CACNB4: variants seen among roughly 807,000 people sequenced by gnomAD.
CACNB4 encodes calcium voltage-gated channel auxiliary subunit beta 4.
A neutral mutation model predicts 71.2 loss-of-function variants in CACNB4; 32 were observed. The observed-to-expected ratio is 0.45, with a 90% CI of 0.34 to 0.60. The LOEUF (loss-of-function observed/expected upper bound fraction) is 0.60, where lower values mean the gene tolerates loss of function less well. Among genes scored for constraint, CACNB4 ranks in the 20% least tolerant of loss-of-function variants. CACNB4 has a pLI of 0.01. For missense variants in CACNB4, 464 were observed against 647.9 expected (o/e 0.72, Z 3.08); for synonymous variants, 231 against 236.9 (o/e 0.97, Z 0.23).
At chr2:152,041,384 A>C (rs977880385) in intron 2 of CACNB4, among the ~76,000 whole-genome samples, 5 of 152,218 alleles carry the variant, frequency 3.3e-5, no homozygotes, top group Admixed American at 1.3e-4. Context: ...CATTTCTGGA[A>C]GAAGGTAAAG....
chr2:152,039,191 G>A (rs1322818259), intron 2 of CACNB4, among the ~76,000 whole-genome samples: 8 of 152,228 alleles, frequency 5.3e-5, no homozygotes, highest in South Asian at 2.1e-4. Context: ...GGCCGAGGCC[G>A]ATGGATCACG....
At chr2:152,072,903 C>T (rs1363080086) in intron 2 of CACNB4, among the ~76,000 whole-genome samples, 5 of 151,964 alleles carry the variant, frequency 3.3e-5, no homozygotes, top group Admixed American at 2.6e-4. Flanking sequence ...CCCGCCTCGG[C>T]CTCCCAAAGT....
intron 2 of CACNB4, chr2:151,883,577 T>C (rs553768728): frequency 5.3e-6 from 3 of 569,322 alleles, no homozygotes; most frequent in East Asian, 6.3e-5. Context: ...AGAAAAATAT[T>C]TTGACTAGAT....
At chr2:152,085,825 A>AC (rs58460090) in intron 2 of CACNB4, among the ~76,000 whole-genome samples, 50,924 of 149,788 alleles carry the variant, frequency 0.34, 9,281 homozygotes, top group Admixed American at 0.44. Context: ...AAAAAAAAAA[A>AC]AAACAAACAA....
At chr2:151,976,055 G>A (rs1398711744) in intron 2 of CACNB4, among the ~76,000 whole-genome samples, 1 of 152,194 alleles carries the variant, frequency 6.6e-6, no homozygotes, top group Admixed American at 6.5e-5. Flanking sequence ...AAGAGCAGGG[G>A]CGCACTTTAC....
At chr2:152,070,600 C>T (rs999649176) in intron 2 of CACNB4, among the ~76,000 whole-genome samples, 16 of 152,088 alleles carry the variant, frequency 1.1e-4, no homozygotes, top group Non-Finnish European at 1.8e-4. Context: ...ATGCAATGCA[C>T]TATTACTATG....
upstream of CACNB4, chr2:152,099,085 C>A: frequency 3.9e-6 from 4 of 1,013,644 alleles, no homozygotes; most frequent in South Asian, 1.6e-5. Flanking sequence ...GGGCTGCGGA[C>A]GGAGGGGGAG....
At chr2:152,097,154 C>T (rs941155247) in intron 2 of CACNB4, among the ~76,000 whole-genome samples, 1 of 152,124 alleles carries the variant, frequency 6.6e-6, no homozygotes, top group Non-Finnish European at 1.5e-5. Flanking sequence ...GTCAAAATTT[C>T]CGCTTCTGCA....
chr2:151,948,751 C>T (rs1196774782), intron 2 of CACNB4, among the ~76,000 whole-genome samples: 1 of 152,114 alleles, frequency 6.6e-6, no homozygotes, highest in Non-Finnish European at 1.5e-5. Flanking sequence ...TTTGAAACTA[C>T]TAGTTCCCCT....
At position 151,856,216 on chromosome 2, in the gene CACNB4, G is replaced by GTT. The variant is rs550297794; in HGVS notation, c.869-843_869-842dup. Reference sequence around the variant, plus strand: ...ACATGGCTTTCTGAAATATAAAAAAGTTTTATATATATATATATTTTATAA... The same window carrying GTT: ...ACATGGCTTTCTGAAATATAAAAAAGTTTTTTATATATATATATATTTTATAA... On this transcript the variant is annotated intron_variant, in intron 10 of 13. Transcript: ENST00000539935. 2.0e-3 allele frequency among the ~76,000 whole-genome samples: 292 copies of GTT among 146,674 alleles called. 2 individuals are homozygous for GTT. Among genetic ancestry groups the GTT allele is most frequent in the African/African-American group, 7.0e-3 (275 of 39,240 alleles).
At chr2:152,053,371 T>C (rs1290801158) in intron 2 of CACNB4, among the ~76,000 whole-genome samples, 1 of 152,174 alleles carries the variant, frequency 6.6e-6, no homozygotes, top group Non-Finnish European at 1.5e-5. Flanking sequence ...ATTGCTGAGT[T>C]TGTGCCTAGA....
chr2:151,974,351 TA>T (rs949123741), intron 2 of CACNB4, among the ~76,000 whole-genome samples: 14 of 151,896 alleles, frequency 9.2e-5, no homozygotes, highest in Admixed American at 5.9e-4. Context: ...CAATGAGTCA[TA>T]AAAAAAATCT....
chr2:152,073,129 C>T (rs531885930), intron 2 of CACNB4, among the ~76,000 whole-genome samples: 2 of 152,170 alleles, frequency 1.3e-5, no homozygotes, highest in East Asian at 3.9e-4. Context: ...TTTCAGGGAG[C>T]AATATATCAC....
At chr2:151,844,648 T>C (rs2099837070) in intron 12 of CACNB4, among the ~76,000 whole-genome samples, 1 of 152,208 alleles carries the variant, frequency 6.6e-6, no homozygotes, top group Non-Finnish European at 1.5e-5. Context: ...CTGTCCATGA[T>C]GCTTTGACAT....
At chr2:152,051,321 C>T (rs1181343772) in intron 2 of CACNB4, among the ~76,000 whole-genome samples, 1 of 152,120 alleles carries the variant, frequency 6.6e-6, no homozygotes, top group African/African-American at 2.4e-5. Context: ...AGTGCATAAT[C>T]AACAGTTTAG....
chr2:151,954,180 C>T (rs902598206), intron 2 of CACNB4, among the ~76,000 whole-genome samples: 3 of 152,232 alleles, frequency 2.0e-5, no homozygotes, highest in African/African-American at 7.2e-5. Context: ...CACTCTGCCT[C>T]TCCAACCTTC....
At position 151,924,899 on chromosome 2, in the gene CACNB4, G is replaced by A. The variant is rs1027945802; in HGVS notation, c.148-41529C>T. 4.6e-5 allele frequency among the ~76,000 whole-genome samples: 7 copies of A among 152,058 alleles called. No individual in the cohort carries two copies. The East Asian group carries it at 1.2e-3, about 25-fold the overall frequency. On this transcript the variant is annotated intron_variant, in intron 2 of 13. Coordinates refer to ENST00000539935, the MANE Select transcript of CACNB4 (RefSeq NM_000726.5). Reference sequence around the variant, plus strand: ...TACACATTGTGACAATGATTCTATCGTTTTTTTCAAGGAATCCCACGCAAT... The same window carrying A: ...TACACATTGTGACAATGATTCTATCATTTTTTTCAAGGAATCCCACGCAAT...
chr2:151,991,309 A>G (rs1164621822), intron 2 of CACNB4, among the ~76,000 whole-genome samples: 7 of 152,260 alleles, frequency 4.6e-5, no homozygotes, highest in African/African-American at 1.7e-4. Context: ...AATCAATAAC[A>G]TTTAATCCAA....
chr2:152,069,873 C>T (rs1371651312), intron 2 of CACNB4, among the ~76,000 whole-genome samples: 4 of 135,126 alleles, frequency 3.0e-5, no homozygotes, highest in South Asian at 2.4e-4. Context: ...GATGGAGTCT[C>T]GCTCAGTCGC....
Sources: allele counts gnomAD v4.1 joint callset (sites outside exome capture counted in the v4.1 genomes callset), GRCh38; gene constraint gnomAD v4.1.1; transcripts MANE v1.5; gene names NCBI Gene and HGNC (gene_info 2026-07-23, HGNC 2026-07-21).